Variants in HEPH observed in about 807,000 individuals in gnomAD.
HEPH encodes hephaestin.
In HEPH, 69 loss-of-function variants were observed where a neutral mutation model predicts 80.8. The observed-to-expected ratio is 0.85, with a 90% CI of 0.70 to 1.04. HEPH has a LOEUF of 1.04. HEPH is among the 50% of genes least tolerant of loss of function. HEPH has a pLI of 0.00. For synonymous variants in HEPH, 431 were observed against 322.8 expected (o/e 1.34, Z -3.60); for missense variants, 1,115 against 891.3 (o/e 1.25, Z -3.20).
intron 7 of HEPH, 75 bp from the exon 8 acceptor site, chrX:66,193,427 G>T: frequency 1.5e-6 from 1 of 658,423 alleles, no homozygotes; most frequent in East Asian, 3.8e-5. Flanking sequence ...TCATAACTTG[G>T]TGAGACTAAG....
intron 19 of HEPH, among the ~76,000 whole-genome samples, chrX:66,261,893 G>A (rs1407042994): frequency 8.9e-6 from 1 of 112,501 alleles, no homozygotes; most frequent in Non-Finnish European, 1.9e-5. Context: ...TAGAACAAAA[G>A]TCAAGTGATC....
Position 66,245,760 on chromosome X carries a change from C to T in HEPH, c.2564-9275C>T, listed in dbSNP as rs138754991. On this transcript the variant is annotated intron_variant, in intron 15 of 20. Coordinates refer to ENST00000343002, the MANE Select transcript of HEPH (RefSeq NM_001367233.3). ...GCACTCCTCAGCAAATGTAAAAGAA[C>T]AGAAATTATAACAAACTATCACTCA... Among the ~76,000 whole-genome samples, 380 of 112,037 alleles carry T rather than the reference C, an allele frequency of 3.4e-3. 2 individuals carry two copies. Among genetic ancestry groups the T allele is most frequent in the African/African-American group, 0.012 (360 of 30,873 alleles).
chrX:66,217,868 A>C (rs2089465308), intron 15 of HEPH, among the ~76,000 whole-genome samples: 1 of 112,023 alleles, frequency 8.9e-6, no homozygotes, highest in Non-Finnish European at 1.9e-5. Flanking sequence ...GGGACACCAA[A>C]AGTGAGCAGG....
intron 15 of HEPH, among the ~76,000 whole-genome samples, chrX:66,246,776 G>A (rs1189608724): frequency 8.9e-6 from 1 of 111,797 alleles, no homozygotes; most frequent in Non-Finnish European, 1.9e-5. Flanking sequence ...CTGTAGCCCT[G>A]CTACCTTGAT....
chrX:66,261,762 A>G (rs1424058437), intron 19 of HEPH, among the ~76,000 whole-genome samples: 1 of 111,609 alleles, frequency 9.0e-6, no homozygotes, highest in African/African-American at 3.3e-5. Flanking sequence ...CTTCCTATAT[A>G]ATTTAAAATA....
chrX:66,248,430 C>T (rs1341746760), intron 15 of HEPH, among the ~76,000 whole-genome samples: 1 of 111,746 alleles, frequency 8.9e-6, no homozygotes, highest in African/African-American at 3.3e-5. Flanking sequence ...TCAACTGTCA[C>T]AGTTTTGCAA....
rs1224190756 is a variant in HEPH at position 66,180,994 on chromosome X, C to G, written c.625+7193C>G. On this transcript the variant is annotated intron_variant, in intron 4 of 20. Coordinates refer to ENST00000343002, the MANE Select transcript of HEPH (RefSeq NM_001367233.3). ...ATAGTTTACTGAGAATGATGGTTTC[C>G]AGTTTCATCCATGTCCCTACAAAGG... Among the ~76,000 whole-genome samples the G allele has an allele frequency of 2.8e-3, 275 of 97,771 alleles. 4 individuals carry two copies. The highest frequency in any genetic ancestry group is 9.9e-3 in the African/African-American group (260 of 26,134). 84.9% of individuals were successfully genotyped at this position (97,771 alleles called of 115,157 possible). A position where few individuals can be genotyped will look rare whatever the true frequency, so the allele number is the denominator to read the frequency against.
chrX:66,215,644 G>T (rs946201634), intron 15 of HEPH, among the ~76,000 whole-genome samples: 1 of 111,864 alleles, frequency 8.9e-6, no homozygotes, highest in Non-Finnish European at 1.9e-5. Flanking sequence ...CTAACTTGCA[G>T]CTCCCACTGG....
chrX:66,260,378 C>T (rs1165001118), intron 19 of HEPH, 116 bp downstream of exon 19: 2 of 556,365 alleles, frequency 3.6e-6, no homozygotes, highest in Non-Finnish European at 5.7e-6. Flanking sequence ...ATAAGCAGGT[C>T]TTAAGGCAGA....
upstream of HEPH, among the ~76,000 whole-genome samples, chrX:66,163,105 A>G (rs986335161): frequency 3.6e-5 from 4 of 111,843 alleles, no homozygotes; most frequent in African/African-American, 1.3e-4. Context: ...GTGTAAATTT[A>G]CAGGGCTGGG....
intron 4 of HEPH, among the ~76,000 whole-genome samples, chrX:66,186,152 T>G: frequency 1.2e-5 from 1 of 82,571 alleles, no homozygotes; most frequent in Non-Finnish European, 2.3e-5. Context: ...ACTGCTGTCT[T>G]TTTGTTTGTC....
chrX:66,167,099 G>T (rs141611800), intron 1 of HEPH, among the ~76,000 whole-genome samples: 4 of 111,807 alleles, frequency 3.6e-5, no homozygotes, highest in African/African-American at 1.3e-4. Context: ...AAGACACTGT[G>T]GCTAAATAAA....
chrX:66,218,128 G>T (rs1400914756), intron 15 of HEPH, among the ~76,000 whole-genome samples: 2 of 111,225 alleles, frequency 1.8e-5, no homozygotes, highest in African/African-American at 6.6e-5. Flanking sequence ...AGGTCATCAA[G>T]ACAGAAAGTC....
intron 17 of HEPH, among the ~76,000 whole-genome samples, chrX:66,258,527 T>C (rs757832077): frequency 1.2e-3 from 129 of 111,870 alleles, no homozygotes; most frequent in African/African-American, 4.1e-3. Flanking sequence ...TTTGGAGTTA[T>C]ATTTTGAAGG....
chrX:66,266,638 A>G lies in HEPH; in HGVS notation c.3443A>G (p.Asp1148Gly), dbSNP rs1441540766. 2 of 1,207,549 alleles carry G rather than the reference A, an allele frequency of 1.7e-6. No individual in the cohort carries two copies. Among genetic ancestry groups the G allele is most frequent in the South Asian group, 1.8e-5 (1 of 56,817 alleles). ...KLRRNRRSIL[D>G]DSFKLLSFKQ ...CGACGCAATAGGAGGTCCATCCTGG[A>G]TGACAGCTTCAAGCTTCTGTCTTTC... The change falls in exon 21 of 21, where the codon GAT (aspartate) becomes GGT (glycine). Residue 1148 changes from aspartate (D) to glycine (G), a missense_variant. Asp to Gly is a moderately conservative substitution (Grantham distance 94). Transcript: ENST00000343002.
At chrX:66,233,630 C>A (rs1239502790) in intron 15 of HEPH, among the ~76,000 whole-genome samples, 1 of 110,316 alleles carries the variant, frequency 9.1e-6, no homozygotes, top group Admixed American at 9.9e-5. Flanking sequence ...TTAAGTAACT[C>A]AGTGAAGAAA....
chrX:66,266,596 A>G lies in HEPH; in HGVS notation c.3401A>G (p.His1134Arg). Residue 1134 changes from histidine (H) to arginine (R), a missense_variant, in exon 21 of 21, where the codon CAT becomes CGT. Coordinates refer to ENST00000343002, the MANE Select transcript of HEPH (RefSeq NM_001367233.3). ...LALGGVVWYQ[H>R]RQRKLRRNRR... The stretch of plus-strand genomic sequence containing the variant: ...CTTGGTGGAGTGGTTTGGTACCAAC[A>G]TCGACAGAGAAAGCTACGACGCAAT... 8.3e-7 allele frequency: 1 copy of G among 1,210,638 alleles called. No individual in the cohort carries two copies. The highest frequency in any genetic ancestry group is 1.1e-6 in the Non-Finnish European group (1 of 895,004).
At chrX:66,168,222 A>G (rs2086454628) in intron 1 of HEPH, among the ~76,000 whole-genome samples, 2 of 112,036 alleles carry the variant, frequency 1.8e-5, no homozygotes, top group Non-Finnish European at 3.8e-5. Context: ...TTAGTATTCA[A>G]ATTAACCCTT....
intron 4 of HEPH, among the ~76,000 whole-genome samples, chrX:66,178,306 G>T (rs1352614082): frequency 8.9e-6 from 1 of 112,421 alleles, no homozygotes; most frequent in Non-Finnish European, 1.9e-5. Flanking sequence ...AGTATTCCAT[G>T]GTGTATATGT....
Sources: gnomAD v4.1 joint callset for allele counts (sites outside exome capture counted in the v4.1 genomes callset) on GRCh38, gnomAD v4.1.1 for gene constraint, MANE v1.5 for transcripts, NCBI Gene and HGNC (gene_info 2026-07-23, HGNC 2026-07-21) for gene names.